Variants in SLURP2 observed in about 807,000 individuals in gnomAD.
The protein encoded by SLURP2 is secreted LY6/PLAUR domain containing 2, also known as secreted Ly-6/uPAR domain-containing protein 2.
SLURP2 carries 4 observed loss-of-function variants against 9.8 expected under a neutral mutation model. That is an observed-to-expected ratio of 0.41 (90% CI 0.20 to 0.94). The LOEUF is 0.94. Among genes scored for constraint, SLURP2 ranks in the 40% least tolerant of loss-of-function variants. The pLI is 0.32. For synonymous variants in SLURP2, 58 were observed against 56.2 expected, an observed-to-expected ratio of 1.03 and a Z score of -0.15; for missense variants, 118 against 126.4, an observed-to-expected ratio of 0.93 and a Z score of 0.32.
At position 142,764,391 on chromosome 8, in the gene SLURP2, G is replaced by C. The variant is rs1814924169; in HGVS notation, c.*214C>G. The C allele has an allele frequency of 1.5e-6, 1 of 669,960 alleles. No homozygotes were observed. 41.5% of individuals were successfully genotyped at this position (669,960 alleles called of 1,614,324 possible). ...TTGTGGGGAGGTCGGGACCTGAAGG[G>C]GCGGCAGGCACGATGGGCCCCAGGC... On this transcript the variant is annotated 3_prime_UTR_variant, in exon 3 of 3. Coordinates refer to ENST00000317543, the MANE Select transcript of SLURP2 (RefSeq NM_177458.3).
rs374282147 is a variant in SLURP2 at position 142,764,643 on chromosome 8, T to C, written c.256A>G (p.Ile86Val). 6.7e-5 allele frequency: 108 copies of C among 1,608,772 alleles called. No homozygotes were observed. The highest frequency in any genetic ancestry group is 8.1e-5 in the Non-Finnish European group (95 of 1,178,452). The change falls in exon 3 of 3, where the codon ATC becomes GTC. Residue 86 changes from isoleucine (I) to valine (V), a missense_variant. By Grantham distance (29) the Ile-to-Val change is conservative. Coordinates refer to ENST00000317543, the MANE Select transcript of SLURP2 (RefSeq NM_177458.3). ...PSLGLGPYVS[I>V]ACCQTSLCNH... ...CAGAGGCTGGTCTGGCAGCAAGCGATGGATACGTAGGGGCCCAGGCCCAGG... is the reference window on the plus strand; with the variant it reads ...CAGAGGCTGGTCTGGCAGCAAGCGACGGATACGTAGGGGCCCAGGCCCAGG...
chr8:142,767,277 A>AC (rs1815036026), intron 1 of SLURP2, among the ~76,000 whole-genome samples: 1 of 152,166 alleles, frequency 6.6e-6, no homozygotes, highest in African/African-American at 2.4e-5. Context: ...GCAAGCTGAG[A>AC]CCCCACCTTC....
intron 1 of SLURP2, among the ~76,000 whole-genome samples, chr8:142,767,411 C>T (rs1218882836): frequency 1.3e-5 from 2 of 152,222 alleles, no homozygotes; most frequent in Non-Finnish European, 2.9e-5. Flanking sequence ...CACGCCTCTA[C>T]TCAACACTGG....
chr8:142,769,569 G>A (rs13277233), intron 1 of SLURP2, among the ~76,000 whole-genome samples, 186 bp downstream of exon 1: 3,574 of 150,880 alleles, frequency 0.024, 52 homozygotes, highest in South Asian at 0.058. Flanking sequence ...CGGGGGCTGG[G>A]GCTGAGCTGG....
intron 1 of SLURP2, 122 bp from the exon 2 acceptor site, chr8:142,765,262 C>T: frequency 1.3e-6 from 1 of 746,230 alleles, no homozygotes. Context: ...CGGCCAGTGT[C>T]CCGACCCTGT....
Position 142,764,738 on chromosome 8 carries a change from A to T in SLURP2, c.161T>A (p.Val54Asp), listed in dbSNP as rs966836502. 5 of 1,612,868 alleles carry T rather than the reference A, an allele frequency of 3.1e-6. No homozygotes were observed. The highest frequency in any genetic ancestry group is 4.2e-6 in the Non-Finnish European group (5 of 1,179,630). Residue 54 changes from valine to aspartate, a missense_variant, in exon 3 of 3, where the codon GTC becomes GAC. By Grantham distance (152) the Val-to-Asp change is radical. Transcript: ENST00000317543. ...AGGCAAATCCTCGGTGTTGCTGAGG[A>T]CCCCTGAGTGGGCAGGAGAGAAACC... ...STHCVTTATR[V>D]LSNTEDLPLV...
chr8:142,766,556 C>T (rs1432130151), intron 1 of SLURP2: 3 of 152,236 alleles, frequency 2.0e-5, no homozygotes, highest in Non-Finnish European at 4.4e-5. Flanking sequence ...ACTGCTCTTC[C>T]GCGGGCGCTG....
At chr8:142,766,983 G>A (rs975827684) in intron 1 of SLURP2, among the ~76,000 whole-genome samples, 10 of 152,210 alleles carry the variant, frequency 6.6e-5, no homozygotes, top group African/African-American at 1.4e-4. Flanking sequence ...GGCTGCCCCC[G>A]CCTCACTGTT....
In SLURP2 at chr8:142,764,738, AC is replaced by A. The variant is rs1177734948; in HGVS notation, c.160del (p.Val54SerfsTer17). 2 of 1,612,868 alleles carry A rather than the reference AC, an allele frequency of 1.2e-6. No individual in the cohort carries two copies. The highest frequency in any genetic ancestry group is 3.3e-5 in the Admixed American group (2 of 59,734). Reference sequence around the variant, plus strand: ...AGGCAAATCCTCGGTGTTGCTGAGGACCCCTGAGTGGGCAGGAGAGAAACCA... The same window carrying A: ...AGGCAAATCCTCGGTGTTGCTGAGGACCCTGAGTGGGCAGGAGAGAAACCA... Reference protein sequence around the residue: ...STHCVTTATRVLSNTEDLPLV... With the variant: ...STHCVTTATRXLSNTEDLPLV... On this transcript the variant is annotated frameshift_variant and splice_region_variant, in exon 3 of 3. Transcript: ENST00000317543. LOFTEE classifies it low-confidence loss of function (END_TRUNC).
chr8:142,767,610 C>T (rs587721851), intron 1 of SLURP2, among the ~76,000 whole-genome samples: 14 of 152,322 alleles, frequency 9.2e-5, no homozygotes, highest in Admixed American at 7.8e-4. Flanking sequence ...GTTCCTCCTG[C>T]CCTCTGGGCA....
chr8:142,765,970 AAAAC>A lies in SLURP2; in HGVS notation c.53-834_53-831del, dbSNP rs1393931475. On this transcript the variant is annotated intron_variant, in intron 1 of 2. Transcript: ENST00000317543. The stretch of plus-strand genomic sequence containing the variant: ...AGAGCAAGACTCCACCTCAAAAAAA[AAAAC>A]AAAAAACAAAAAACAAAAAACAAAA... Among the ~76,000 whole-genome samples, 162 of 74,650 alleles carry A rather than the reference AAAAC, an allele frequency of 2.2e-3. 1 individual carries two copies. Among genetic ancestry groups the A allele is most frequent in the Non-Finnish European group, 2.4e-3 (75 of 30,622 alleles). 49.0% of individuals were successfully genotyped at this position (74,650 alleles called of 152,430 possible).
In SLURP2 at chr8:142,765,073, G is replaced by A. The variant is rs746557485; in HGVS notation, c.120C>T (p.Cys40=). 3.1e-6 allele frequency: 5 copies of A among 1,612,744 alleles called. No homozygotes were observed. The East Asian group carries it at 1.1e-4, about 36-fold the overall frequency. ...GFGGCSHGSR[C]LRDSTHCVTT... ...TGACACAGTGGGTGGAGTCCCTCAG[G>A]CATCTGGATCCATGGGAGCACCCTC... is the stretch of plus-strand genomic sequence containing the variant. The change falls in exon 2 of 3, where the codon TGC becomes TGT. Residue 40 remains cysteine, a synonymous_variant. Coordinates refer to ENST00000317543, the MANE Select transcript of SLURP2 (RefSeq NM_177458.3).
At chr8:142,766,181 CACAG>C (rs1815000949) in intron 1 of SLURP2, 1 of 152,152 alleles carries the variant, frequency 6.6e-6, no homozygotes, top group African/African-American at 2.4e-5. Flanking sequence ...GCTGCAAGGT[CACAG>C]ACAGAGAAAC....
chr8:142,765,584 C>T (rs757902198), intron 1 of SLURP2, among the ~76,000 whole-genome samples: 16 of 152,242 alleles, frequency 1.1e-4, no homozygotes, highest in Non-Finnish European at 2.1e-4. Flanking sequence ...CTGGTGGCTG[C>T]GATGATGGGG....
intron 1 of SLURP2, among the ~76,000 whole-genome samples, chr8:142,767,892 GAATGAATA>G (rs201330515): frequency 0.051 from 7,000 of 135,974 alleles, 414 homozygotes; most frequent in Admixed American, 0.2. Context: ...CTTGCAGAAT[GAATGAATA>G]AATGAATGAA....
At chr8:142,769,603 G>A in intron 1 of SLURP2, 152 bp downstream of exon 1, 1 of 665,620 alleles carries the variant, frequency 1.5e-6, no homozygotes, top group Non-Finnish European at 2.6e-6. Context: ...ATCGCAGGAG[G>A]CTTTCGGAGG....
In SLURP2 at chr8:142,764,401, AC is replaced by A. The variant is rs1223500214; in HGVS notation, c.*203del. 5.9e-6 allele frequency: 4 copies of A among 679,414 alleles called. No homozygotes were observed. Among genetic ancestry groups the A allele is most frequent in the Non-Finnish European group, 1.0e-5 (4 of 383,690 alleles). The allele number at this position is 679,414 out of a possible 1,614,324, so 42.1% of individuals were successfully genotyped here. On this transcript the variant is annotated 3_prime_UTR_variant, in exon 3 of 3. Transcript: ENST00000317543. ...GTCGGGACCTGAAGGGGCGGCAGGCACGATGGGCCCCAGGCTTGGACGGCAG... is the reference window on the plus strand; with the variant it reads ...GTCGGGACCTGAAGGGGCGGCAGGCAGATGGGCCCCAGGCTTGGACGGCAG...
chr8:142,764,833 C>G, intron 2 of SLURP2, 92 bp from the exon 3 acceptor site: 1 of 1,480,502 alleles, frequency 6.8e-7, no homozygotes, highest in Non-Finnish European at 9.3e-7. Flanking sequence ...GAGGGTCAGA[C>G]GCCCCAGGTA....
At position 142,768,387 on chromosome 8, in the gene SLURP2, T is replaced by C. The variant is rs374385800; in HGVS notation, c.52+1368A>G. 6.6e-6 allele frequency among the ~76,000 whole-genome samples: 1 copy of C among 151,980 alleles called. No individual in the cohort carries two copies. The highest frequency in any genetic ancestry group is 1.9e-4 in the East Asian group (1 of 5,176). On this transcript the variant is annotated intron_variant, in intron 1 of 2. Coordinates refer to ENST00000317543, the MANE Select transcript of SLURP2 (RefSeq NM_177458.3). The surrounding 1 kb of genome is among the most constrained non-coding windows in gnomAD (Gnocchi z 4.8). ...TCGGGGAGATTGTGCTGTCCATGTATGGCAGAGAGCAGACACCAAGCAATG... is the reference window on the plus strand; with the variant it reads ...TCGGGGAGATTGTGCTGTCCATGTACGGCAGAGAGCAGACACCAAGCAATG...
Sources: allele counts gnomAD v4.1 joint callset (sites outside exome capture counted in the v4.1 genomes callset), GRCh38; gene constraint gnomAD v4.1.1; non-coding constraint Gnocchi (gnomAD v3.1); transcripts MANE v1.5; gene names NCBI Gene and HGNC (gene_info 2026-07-23, HGNC 2026-07-21).